CPSF1: variants seen among roughly 807,000 people sequenced by gnomAD.
CPSF1 encodes cleavage and polyadenylation specificity factor subunit 1.
Under a neutral mutation model 175.8 loss-of-function variants are expected in CPSF1, and 106 were observed. The ratio of observed to expected loss-of-function variants is 0.60; its 90% CI spans 0.52 to 0.71. CPSF1 has a LOEUF of 0.71. CPSF1 is among the 30% of genes least tolerant of loss of function. The probability of loss-of-function intolerance (pLI) is 0.00; values close to 1 mark genes in which losing one functional copy is unlikely to be tolerated. For missense variants in CPSF1, 1,734 were observed against 2,022.9 expected (o/e 0.86, Z 2.74); for synonymous variants, 1,024 against 858.3 (o/e 1.19, Z -3.37).
At position 144,396,822 on chromosome 8, in the gene CPSF1, C is replaced by T. The variant is rs1554863990; in HGVS notation, c.2682+18G>A. ...GTACCACACCCACCCCACGCCCCAGCAGTCCAGCCACTGGCACCTTCTTAA... is the reference window on the plus strand; with the variant it reads ...GTACCACACCCACCCCACGCCCCAGTAGTCCAGCCACTGGCACCTTCTTAA... On this transcript the variant is annotated intron_variant, in intron 24 of 37. Coordinates refer to ENST00000616140, the MANE Select transcript of CPSF1 (RefSeq NM_013291.3). 1.4e-5 allele frequency: 22 copies of T among 1,613,746 alleles called. No individual in the cohort carries two copies. The highest frequency in any genetic ancestry group is 1.9e-5 in the Non-Finnish European group (22 of 1,179,814).
Position 144,393,345 on chromosome 8 carries a change from C to T in CPSF1, c.4305G>A (p.Glu1435=). Residue 1435 remains glutamate (E), a synonymous_variant, in exon 38 of 38, where the codon GAG becomes GAA. Coordinates refer to ENST00000616140, the MANE Select transcript of CPSF1 (RefSeq NM_013291.3). ...AGAAGTGGGCGGTGACGCGGTCCGT[C>T]TCCAGCAAGTCGTCCAGGATCTGCA... ...TPDIILDDLL[E]TDRVTAHF The T allele has an allele frequency of 6.8e-7, 1 of 1,478,238 alleles. No homozygotes were observed. Among genetic ancestry groups the T allele is most frequent in the Non-Finnish European group, 9.0e-7 (1 of 1,107,730 alleles). 91.6% of individuals were successfully genotyped at this position (1,478,238 alleles called of 1,614,324 possible).
intron 26 of CPSF1, 92 bp from the exon 27 acceptor site, chr8:144,395,643 C>G (rs1019909665): frequency 5.4e-6 from 6 of 1,107,310 alleles, no homozygotes; most frequent in Middle Eastern, 2.9e-4. Flanking sequence ...GGATGTTGCC[C>G]TCAGCTCTGT....
chr8:144,404,060 T>TA (rs1821363717), intron 2 of CPSF1, among the ~76,000 whole-genome samples: 1 of 151,150 alleles, frequency 6.6e-6, no homozygotes, highest in Non-Finnish European at 1.5e-5. Flanking sequence ...CCGTCTCTAC[T>TA]AAAAATACAA....
rs797033988 is a variant in CPSF1, at chr8:144,407,217, CTTTT to C, written c.144+1794_144+1797del. 2.2e-4 allele frequency among the ~76,000 whole-genome samples: 30 copies of C among 138,440 alleles called. 1 individual carries two copies. Among genetic ancestry groups the C allele is most frequent in the Admixed American group, 5.1e-4 (7 of 13,762 alleles). 90.8% of individuals were successfully genotyped at this position (138,440 alleles called of 152,430 possible). On this transcript the variant is annotated intron_variant, in intron 2 of 37. Coordinates refer to ENST00000616140, the MANE Select transcript of CPSF1 (RefSeq NM_013291.3). ...ATAGGTGTGAGCCAACGTGCCTGGC[CTTTT>C]TTTTTTTTTTTTGAGATAGGGTCTC... is the stretch of plus-strand genomic sequence containing the variant.
At chr8:144,397,183 G>T in intron 23 of CPSF1, 24 bp downstream of exon 23, 1 of 1,518,016 alleles carries the variant, frequency 6.6e-7, no homozygotes. Context: ...GATGGGAAGG[G>T]GAGGCCAGGC....
chr8:144,404,872 C>T (rs1395882981), intron 2 of CPSF1, among the ~76,000 whole-genome samples: 2 of 151,596 alleles, frequency 1.3e-5, no homozygotes, highest in South Asian at 4.2e-4. Context: ...CTGGCTAACA[C>T]GGTGAAACCC....
intron 2 of CPSF1, among the ~76,000 whole-genome samples, chr8:144,403,260 C>T (rs139341323): frequency 6.6e-6 from 1 of 152,048 alleles, no homozygotes; most frequent in African/African-American, 2.4e-5. Context: ...CCACGTCCAG[C>T]TAATTTTTGT....
intron 2 of CPSF1, among the ~76,000 whole-genome samples, chr8:144,403,263 A>AT (rs1821318499): frequency 6.6e-6 from 1 of 151,556 alleles, no homozygotes; most frequent in African/African-American, 2.4e-5. Context: ...CGTCCAGCTA[A>AT]TTTTTGTATT....
chr8:144,406,491 T>C (rs144946409), intron 2 of CPSF1, among the ~76,000 whole-genome samples: 166 of 152,346 alleles, frequency 1.1e-3, no homozygotes, highest in Non-Finnish European at 2.1e-3. Context: ...TCATGGCCTC[T>C]CATCTCCCCA....
chr8:144,397,047 A>G (rs1441378755), intron 23 of CPSF1, 118 bp from the exon 24 acceptor site: 2 of 601,626 alleles, frequency 3.3e-6, no homozygotes. Flanking sequence ...GGAGCCATGT[A>G]TGGGAAGGGG....
At chr8:144,406,820 C>T (rs2116906354) in intron 2 of CPSF1, among the ~76,000 whole-genome samples, 2 of 152,362 alleles carry the variant, frequency 1.3e-5, no homozygotes, top group East Asian at 1.9e-4. Context: ...AGCACAATGT[C>T]CTCTGCAGTG....
chr8:144,401,847 G>A (rs2116887455), intron 2 of CPSF1, among the ~76,000 whole-genome samples, 174 bp from the exon 3 acceptor site: 7 of 152,058 alleles, frequency 4.6e-5, no homozygotes, highest in Non-Finnish European at 8.8e-5. Flanking sequence ...CCCCCACAGC[G>A]ACCCCCATTC....
chr8:144,399,973 G>C lies in CPSF1; in HGVS notation c.1031+19C>G. 6.2e-7 allele frequency: 1 copy of C among 1,607,966 alleles called. No homozygotes were observed. Among genetic ancestry groups the C allele is most frequent in the Non-Finnish European group, 8.5e-7 (1 of 1,177,298 alleles). On this transcript the variant is annotated intron_variant, in intron 10 of 37. Transcript: ENST00000616140. The surrounding 1 kb of genome is among the most constrained non-coding windows in gnomAD (Gnocchi z 6.4). ...GGGGGGCGGTGTGGGCAGAGTTCAT[G>C]GGCGGGGGAGGGGCTCACATCTCGC...
At position 144,393,674 on chromosome 8, in the gene CPSF1, C is replaced by T. The variant is rs1304420700; in HGVS notation, c.4138G>A (p.Ala1380Thr). The stretch of plus-strand genomic sequence containing the variant: ...GGCGGGGCCGGGGCTCACCGGAAGG[C>T]GCGGGGGTTGAGGCCGGCGTGGTGT... ...LPHHAGLNPR[A>T]FRMLHVDRRT... Residue 1380 changes from alanine (A) to threonine (T), a missense_variant, in exon 36 of 38, where the codon GCC becomes ACC. This residue lies in a region of CPSF1 where 323 missense variants were observed against 338.5 expected (regional missense o/e 0.95). Transcript: ENST00000616140. 1 of 1,563,508 alleles carries T rather than the reference C, an allele frequency of 6.4e-7. No individual in the cohort carries two copies. The highest frequency in any genetic ancestry group is 8.6e-7 in the Non-Finnish European group (1 of 1,161,326).
At position 144,399,820 on chromosome 8, in the gene CPSF1, G is replaced by C. The variant is rs2116866582; in HGVS notation, c.1080C>G (p.Phe360Leu). 1.3e-6 allele frequency: 2 copies of C among 1,557,782 alleles called. No individual in the cohort carries two copies. Among genetic ancestry groups the C allele is most frequent in the Non-Finnish European group, 1.7e-6 (2 of 1,151,154 alleles). ...ITDGMRSVRA[F>L]HFDKAAASVL... ...CGCTGGCGGCCGCCTTGTCAAAGTGGAACGCTCGGACACTGCGCATGCCGT... is the reference window on the plus strand; with the variant it reads ...CGCTGGCGGCCGCCTTGTCAAAGTGCAACGCTCGGACACTGCGCATGCCGT... Residue 360 changes from phenylalanine to leucine, a missense_variant, in exon 11 of 38, where the codon TTC (phenylalanine) becomes TTG (leucine). This residue lies in a region of CPSF1 where 162 missense variants were observed against 169.5 expected (regional missense o/e 0.96). Coordinates refer to ENST00000616140, the MANE Select transcript of CPSF1 (RefSeq NM_013291.3). This position sits in a 1 kb window ranked among gnomAD's most constrained non-coding sequence, Gnocchi z 6.4.
intron 1 of CPSF1, 54 bp from the exon 2 acceptor site, chr8:144,409,226 G>A (rs1206144124): frequency 1.5e-6 from 2 of 1,320,428 alleles, no homozygotes; most frequent in Non-Finnish European, 1.9e-6. Flanking sequence ...CAGGAGCCCG[G>A]CCCCGCACCG....
Position 144,393,992 on chromosome 8 carries a change from G to A in CPSF1, c.3906C>T (p.Phe1302=). 1 of 1,613,372 alleles carries A rather than the reference G, an allele frequency of 6.2e-7. No homozygotes were observed. Among genetic ancestry groups the A allele is most frequent in the Non-Finnish European group, 8.5e-7 (1 of 1,179,740 alleles). ...ACGTGTTCACGTGGGCACCCACGTG[G>A]AAGTCTGCCCGACGCAGCAGGCGCA... The part of the protein sequence containing the change: ...GGMRLLRRAD[F]HVGAHVNTFW... Residue 1302 remains phenylalanine, a synonymous_variant, in exon 35 of 38, where the codon TTC becomes TTT. Transcript: ENST00000616140.
At position 144,398,511 on chromosome 8, in the gene CPSF1, G is replaced by GT. The variant is rs2116851558; in HGVS notation, c.1752+13_1752+14insA. On this transcript the variant is annotated intron_variant, in intron 18 of 37. Transcript: ENST00000616140. ...CCCAGCCCCAGGTCCCAGGTCCCAG[G>GT]CCCTGCCCCTCACCATGGTGGAGTC... The GT allele has an allele frequency of 1.2e-6, 2 of 1,613,490 alleles. No individual in the cohort carries two copies. The highest frequency in any genetic ancestry group is 8.5e-7 in the Non-Finnish European group (1 of 1,179,856).
At position 144,394,574 on chromosome 8, in the gene CPSF1, G is replaced by C. The variant is rs782114542; in HGVS notation, c.3568-19C>G. ...GGAAAATCTGGGGGCGAGGGCGAGG[G>C]TGAGCGGGCGCGGACGGGGAGCCGG... On this transcript the variant is annotated intron_variant, in intron 31 of 37. Coordinates refer to ENST00000616140, the MANE Select transcript of CPSF1 (RefSeq NM_013291.3). The C allele has an allele frequency of 1.9e-6, 3 of 1,606,144 alleles. No homozygotes were observed. In the African/African-American group the frequency reaches 4.0e-5, roughly 21 times the overall value.
Sources: allele counts gnomAD v4.1 joint callset (sites outside exome capture counted in the v4.1 genomes callset), GRCh38; gene constraint gnomAD v4.1.1; regional missense constraint gnomAD v4.1.1; non-coding constraint Gnocchi (gnomAD v3.1); transcripts MANE v1.5; gene names NCBI Gene and HGNC (gene_info 2026-07-23, HGNC 2026-07-21).